PCDHA7: variants seen among roughly 807,000 people sequenced by gnomAD.
The protein encoded by PCDHA7 is protocadherin alpha-7.
PCDHA7 carries 37 observed loss-of-function variants against 57.2 expected under a neutral mutation model. The observed-to-expected ratio is 0.65, with a 90% confidence interval of 0.50 to 0.85. The LOEUF is 0.85. PCDHA7 is among the 40% of genes least tolerant of loss of function. The pLI is 0.00. For synonymous variants in PCDHA7, 553 were observed against 558.8 expected, an observed-to-expected ratio of 0.99 and a Z score of 0.15; for missense variants, 1,188 against 1,241.8, an observed-to-expected ratio of 0.96 and a Z score of 0.65.
At chr5:140,967,120 G>C in intron 1 of PCDHA7, 1 of 1,612,860 alleles carries the variant, frequency 6.2e-7, no homozygotes, top group East Asian at 2.2e-5. Flanking sequence ...CTCGCTGCCT[G>C]CTCAGCTTGG....
At chr5:140,992,925 C>G (rs548869982) in intron 3 of PCDHA7, among the ~76,000 whole-genome samples, 1 of 152,312 alleles carries the variant, frequency 6.6e-6, no homozygotes, top group South Asian at 2.1e-4. Flanking sequence ...TCCATACTTA[C>G]AGCAGCTCTG....
At chr5:140,986,480 T>A (rs781884269) in intron 3 of PCDHA7, among the ~76,000 whole-genome samples, 16 of 152,200 alleles carry the variant, frequency 1.1e-4, no homozygotes, top group Non-Finnish European at 1.5e-4. Flanking sequence ...GATCAGTTCC[T>A]AGGGCAATCC....
intron 1 of PCDHA7, chr5:140,875,861 C>T (rs2055878739): frequency 6.2e-7 from 1 of 1,614,020 alleles, no homozygotes; most frequent in Non-Finnish European, 8.5e-7. Context: ...AACGACAACC[C>T]GCCGGTGTTC....
intron 1 of PCDHA7, chr5:140,857,128 AGAT>A: frequency 6.3e-7 from 1 of 1,598,286 alleles, no homozygotes; most frequent in South Asian, 1.1e-5. Flanking sequence ...CAGTGAAAGA[AGAT>A]GCTCAAGTGG....
intron 1 of PCDHA7, chr5:140,870,927 T>C (rs782446287): frequency 1.9e-6 from 3 of 1,613,880 alleles, no homozygotes; most frequent in Non-Finnish European, 2.5e-6. Context: ...GGCTTTCATA[T>C]GAATTGCAGC....
At chr5:140,899,255 C>A (rs532751288) in intron 1 of PCDHA7, among the ~76,000 whole-genome samples, 1 of 152,258 alleles carries the variant, frequency 6.6e-6, no homozygotes, top group East Asian at 1.9e-4. Flanking sequence ...GAGAGGGCAT[C>A]CCTGTCTTGT....
intron 1 of PCDHA7, among the ~76,000 whole-genome samples, chr5:140,937,563 G>T (rs986469529): frequency 2.0e-5 from 3 of 151,960 alleles, no homozygotes; most frequent in African/African-American, 7.3e-5. Flanking sequence ...GTTGCAGTGA[G>T]CTGGGATCGC....
At chr5:140,900,073 G>T (rs1490261769) in intron 1 of PCDHA7, among the ~76,000 whole-genome samples, 1 of 152,072 alleles carries the variant, frequency 6.6e-6, no homozygotes, top group African/African-American at 2.4e-5. Flanking sequence ...GCCTCCAAAA[G>T]TGCTGCAGTT....
At chr5:140,882,699 A>C in intron 1 of PCDHA7, 3 of 1,614,184 alleles carry the variant, frequency 1.9e-6, no homozygotes, top group South Asian at 1.1e-5. Context: ...ATCATTGCAG[A>C]ATCTAGACCT....
At chr5:140,858,197 A>G (rs782680459) in intron 1 of PCDHA7, 4 of 1,597,058 alleles carry the variant, frequency 2.5e-6, no homozygotes, top group Non-Finnish European at 2.6e-6. Flanking sequence ...GCTGCTGTAC[A>G]CTGCACTGAG....
At chr5:140,970,597 TA>T (rs2096419556) in intron 1 of PCDHA7, among the ~76,000 whole-genome samples, 4 of 152,198 alleles carry the variant, frequency 2.6e-5, no homozygotes, top group Non-Finnish European at 5.9e-5. Context: ...TGCTTTGTGA[TA>T]CTTAAAACTT....
intron 1 of PCDHA7, chr5:140,877,501 A>T: frequency 6.2e-7 from 1 of 1,613,804 alleles, no homozygotes; most frequent in Non-Finnish European, 8.5e-7. Flanking sequence ...CCAGGCCCCA[A>T]AGACGTCGTC....
chr5:140,836,035 T>C lies in PCDHA7; in HGVS notation c.1652T>C (p.Leu551Pro), dbSNP rs1214967185. The C allele has an allele frequency of 1.2e-6, 2 of 1,613,438 alleles. No individual in the cohort carries two copies. The highest frequency in any genetic ancestry group is 8.5e-7 in the Non-Finnish European group (1 of 1,179,756). The change falls in exon 1 of 4, where the codon CTG (leucine) becomes CCG (proline). Residue 551 changes from leucine to proline, a missense_variant. Leu to Pro is a moderately conservative substitution (Grantham distance 98, BLOSUM62 -3). Around this residue, in one of 3 missense-constraint regions of PCDHA7, gnomAD observed 892 missense variants for 788.5 expected, o/e 1.13. Transcript: ENST00000525929. ...GVPPLGSNVT[L>P]QVFVLDENDN... ...CCGCCTCTGGGCAGCAACGTGACGC[T>C]GCAGGTGTTCGTGCTGGACGAGAAC...
Position 140,881,767 on chromosome 5 carries a change from C to T in PCDHA7, c.2355+45029C>T, listed in dbSNP as rs923432967. Among the ~76,000 whole-genome samples, 13 of 152,322 alleles carry T rather than the reference C, an allele frequency of 8.5e-5. No homozygotes were observed. In the East Asian group the frequency reaches 2.1e-3, roughly 25 times the overall value. On this transcript the variant is annotated intron_variant, in intron 1 of 3. Coordinates refer to ENST00000525929, the MANE Select transcript of PCDHA7 (RefSeq NM_018910.3). ...GACAGTACCACAAAAACCTACATGA[C>T]TATGCAGAACTACCGATCAATTGTC...
At chr5:140,885,737 A>G (rs1347685899) in intron 1 of PCDHA7, among the ~76,000 whole-genome samples, 1 of 152,222 alleles carries the variant, frequency 6.6e-6, no homozygotes, top group South Asian at 2.1e-4. Context: ...ATGATATTTC[A>G]CTGTTACTTT....
intron 1 of PCDHA7, chr5:140,843,142 T>G (rs1778605767): frequency 6.3e-7 from 1 of 1,595,790 alleles, no homozygotes; most frequent in East Asian, 2.2e-5. Context: ...ACGCGTGGCT[T>G]TCGTATGAGC....
chr5:140,980,714 G>A (rs958793243), intron 2 of PCDHA7, among the ~76,000 whole-genome samples: 7 of 151,264 alleles, frequency 4.6e-5, no homozygotes, highest in African/African-American at 9.7e-5. Context: ...GCTCCTATTC[G>A]GGTTTCAATT....
chr5:140,862,830 C>A (rs781933426), intron 1 of PCDHA7: 1 of 572,350 alleles, frequency 1.7e-6, no homozygotes, highest in South Asian at 1.4e-5. Context: ...GAGCGCGCGA[C>A]GCGGGCATGC....
intron 1 of PCDHA7, chr5:140,849,381 GA>G: frequency 6.6e-7 from 1 of 1,514,878 alleles, no homozygotes; most frequent in African/African-American, 1.5e-5. Flanking sequence ...GTTCCACATG[GA>G]CCCCTTAAGT....
Sources: gnomAD v4.1 joint callset for allele counts (sites outside exome capture counted in the v4.1 genomes callset) on GRCh38, gnomAD v4.1.1 for gene constraint, gnomAD v4.1.1 regional missense constraint, MANE v1.5 for transcripts, NCBI Gene and HGNC (gene_info 2026-07-23, HGNC 2026-07-21) for gene names.